Variants in CYB5RL observed in about 807,000 individuals in gnomAD.
CYB5RL encodes cytochrome b5 reductase like, also known as NADH-cytochrome b5 reductase-like.
A neutral mutation model predicts 37.5 loss-of-function variants in CYB5RL; 38 were observed. The observed-to-expected ratio is 1.01, with a 90% CI of 0.78 to 1.33. CYB5RL has a LOEUF of 1.33. Among genes scored for constraint, CYB5RL ranks in the 40% most tolerant of loss-of-function variants. The probability of loss-of-function intolerance (pLI) is 0.00; values close to 1 mark genes in which losing one functional copy is unlikely to be tolerated. For synonymous variants in CYB5RL, 141 were observed against 151.9 expected (o/e 0.93, Z 0.53); for missense variants, 388 against 394.4 (o/e 0.98, Z 0.14).
rs1284869792 is a variant in CYB5RL, at chr1:54,171,579, T to C, written c.*3040A>G. The C allele has an allele frequency of 2.6e-6, 1 of 378,908 alleles. No individual in the cohort carries two copies. Among genetic ancestry groups the C allele is most frequent in the Admixed American group, 3.1e-5 (1 of 32,160 alleles). 23.5% of individuals were successfully genotyped at this position (378,908 alleles called of 1,614,324 possible). On this transcript the variant is annotated 3_prime_UTR_variant, in exon 8 of 8. Coordinates refer to ENST00000534324, the MANE Select transcript of CYB5RL (RefSeq NM_001031672.4). ...CTCAGGCCCTCTAGTAGCTGTTGCC[T>C]TCCTGAAGCTTGGGATGCATATGCA...
chr1:54,193,062 C>T (rs553660135), intron 3 of CYB5RL, among the ~76,000 whole-genome samples: 2 of 152,244 alleles, frequency 1.3e-5, no homozygotes, highest in East Asian at 3.9e-4. Flanking sequence ...GCCAAGTAAC[C>T]CTGTGATTCT....
At chr1:54,197,944 C>T (rs1458894582) in intron 1 of CYB5RL, among the ~76,000 whole-genome samples, 4 of 141,638 alleles carry the variant, frequency 2.8e-5, no homozygotes, top group South Asian at 2.2e-4. Flanking sequence ...AGGAGAATGG[C>T]GTGAACCCAG....
intron 1 of CYB5RL, among the ~76,000 whole-genome samples, chr1:54,198,367 C>G (rs923294585): frequency 8.0e-5 from 12 of 149,114 alleles, no homozygotes; most frequent in Non-Finnish European, 1.5e-4. Context: ...GAGTCTCGCT[C>G]TGTTGCCCAG....
intron 7 of CYB5RL, among the ~76,000 whole-genome samples, chr1:54,176,461 G>A (rs539892754): frequency 1.7e-4 from 26 of 152,322 alleles, no homozygotes; most frequent in African/African-American, 6.3e-4. Flanking sequence ...AGCCCAGGGA[G>A]GTTGAGGCTT....
intron 5 of CYB5RL, chr1:54,185,063 C>T (rs560012142): frequency 2.0e-5 from 3 of 152,320 alleles, no homozygotes; most frequent in African/African-American, 7.2e-5. Context: ...AGTGCCTGAA[C>T]CATGGAAGTA....
intron 1 of CYB5RL, among the ~76,000 whole-genome samples, chr1:54,196,819 A>G (rs1372338087): frequency 6.6e-6 from 1 of 152,194 alleles, no homozygotes; most frequent in Non-Finnish European, 1.5e-5. Context: ...TCGTTCTTCA[A>G]TCACAGGAAA....
rs1402693745 is a variant in CYB5RL at position 54,194,214 on chromosome 1, C to G, written c.198+1205G>C. Among the ~76,000 whole-genome samples the G allele has an allele frequency of 2.0e-5, 3 of 150,404 alleles. No homozygotes were observed. In the East Asian group the frequency reaches 5.9e-4, roughly 30 times the overall value. On this transcript the variant is annotated intron_variant, in intron 3 of 7. Coordinates refer to ENST00000534324, the MANE Select transcript of CYB5RL (RefSeq NM_001031672.4). Reference sequence around the variant, plus strand: ...GGTGAAACCCCATCTGTACTAAAAACATAAAATTAGTCAGGTGTGGTGGCA... The same window carrying G: ...GGTGAAACCCCATCTGTACTAAAAAGATAAAATTAGTCAGGTGTGGTGGCA...
intron 5 of CYB5RL, chr1:54,185,721 A>G: frequency 6.6e-6 from 1 of 152,052 alleles, no homozygotes; most frequent in Non-Finnish European, 1.5e-5. Flanking sequence ...ATCTAGGGGG[A>G]GGCATGACCC....
chr1:54,182,837 G>A (rs1451808088), intron 6 of CYB5RL, among the ~76,000 whole-genome samples: 14 of 152,256 alleles, frequency 9.2e-5, no homozygotes, highest in Admixed American at 9.2e-4. Context: ...ACAGGCGTGA[G>A]CCACTGCGCC....
rs187605480 is a variant in CYB5RL at position 54,176,985 on chromosome 1, G to A, written c.745-2163C>T. The stretch of plus-strand genomic sequence containing the variant: ...TGGCAGGCAGAATGGCGTGAGCAAA[G>A]GCCCAGAAGCCAGAAAAGCACAGCA... On this transcript the variant is annotated intron_variant, in intron 7 of 7. Coordinates refer to ENST00000534324, the MANE Select transcript of CYB5RL (RefSeq NM_001031672.4). Among the ~76,000 whole-genome samples, 63 of 152,308 alleles carry A rather than the reference G, an allele frequency of 4.1e-4. No individual in the cohort carries two copies. In the East Asian group the frequency reaches 0.011, roughly 26 times the overall value.
chr1:54,192,933 G>C (rs1643969913), intron 3 of CYB5RL, among the ~76,000 whole-genome samples: 2 of 151,584 alleles, frequency 1.3e-5, no homozygotes, highest in South Asian at 2.1e-4. Context: ...TTTTATATTT[G>C]TAGTAGAGAC....
At chr1:54,194,739 C>T (rs1018523217) in intron 3 of CYB5RL, among the ~76,000 whole-genome samples, 1 of 152,172 alleles carries the variant, frequency 6.6e-6, no homozygotes, top group African/African-American at 2.4e-5. Flanking sequence ...AGGAGGGACA[C>T]AGAAAATGGG....
chr1:54,196,624 G>T (rs1216395215), intron 1 of CYB5RL, 133 bp from the exon 2 acceptor site: 3 of 152,188 alleles, frequency 2.0e-5, no homozygotes, highest in African/African-American at 7.2e-5. Context: ...CATTCCAGAA[G>T]CCACCTGTGT....
chr1:54,189,358 G>A (rs1557723425), intron 4 of CYB5RL, among the ~76,000 whole-genome samples: 1 of 152,260 alleles, frequency 6.6e-6, no homozygotes, highest in East Asian at 1.9e-4. Context: ...AAACCTCCTG[G>A]AGGTGGGTGC....
At chr1:54,179,095 G>A (rs1488715808) in intron 7 of CYB5RL, 54 bp downstream of exon 7, 1 of 1,566,356 alleles carries the variant, frequency 6.4e-7, no homozygotes, top group Non-Finnish European at 8.7e-7. Context: ...CAGGACAGGT[G>A]CAAAGGGACA....
At position 54,184,903 on chromosome 1, in the gene CYB5RL, C is replaced by G. The variant is rs1328244022; in HGVS notation, c.436-638G>C. On this transcript the variant is annotated intron_variant, in intron 5 of 7. Coordinates refer to ENST00000534324, the MANE Select transcript of CYB5RL (RefSeq NM_001031672.4). ...CAGTCTCTGCATTATCCTACACCATCTCCTGGCTGGATGAAAAATGAAGGT... is the reference window on the plus strand; with the variant it reads ...CAGTCTCTGCATTATCCTACACCATGTCCTGGCTGGATGAAAAATGAAGGT... 2.6e-5 allele frequency: 4 copies of G among 152,410 alleles called. No individual in the cohort carries two copies. In the East Asian group the frequency reaches 7.7e-4, roughly 29 times the overall value. The allele number at this position is 152,410 out of a possible 1,614,324, so 9.4% of individuals were successfully genotyped here. A position where few individuals can be genotyped will look rare whatever the true frequency, so the allele number is the denominator to read the frequency against.
chr1:54,174,511 T>A lies in CYB5RL; in HGVS notation c.*108A>T. On this transcript the variant is annotated 3_prime_UTR_variant, in exon 8 of 8. Transcript: ENST00000534324. ...CACTTGCCCAAGGTCACCTGGCAAA[T>A]GAGCAGCAGGACCAGGCCTGGACTC... 1 of 1,339,428 alleles carries A rather than the reference T, an allele frequency of 7.5e-7. No individual in the cohort carries two copies. Among genetic ancestry groups the A allele is most frequent in the South Asian group, 1.3e-5 (1 of 77,034 alleles). 83.0% of individuals were successfully genotyped at this position (1,339,428 alleles called of 1,614,324 possible). A position where few individuals can be genotyped will look rare whatever the true frequency, so the allele number is the denominator to read the frequency against.
chr1:54,196,480 C>A lies in CYB5RL; in HGVS notation c.-211G>T, dbSNP rs143010399. On this transcript the variant is annotated 5_prime_UTR_variant, in exon 2 of 8. Coordinates refer to ENST00000534324, the MANE Select transcript of CYB5RL (RefSeq NM_001031672.4). ...GTGCTGAGATTACAGGCATGAGCCA[C>A]CATGTCTGGCCCTAAAATGTTTTAA... The A allele has an allele frequency of 6.6e-6, 1 of 152,150 alleles. No individual in the cohort carries two copies. Among genetic ancestry groups the A allele is most frequent in the Non-Finnish European group, 1.5e-5 (1 of 68,036 alleles). 9.4% of individuals were successfully genotyped at this position (152,150 alleles called of 1,614,324 possible).
intron 7 of CYB5RL, 23 bp downstream of exon 7, chr1:54,179,126 G>A: frequency 6.2e-7 from 1 of 1,604,424 alleles, no homozygotes. Flanking sequence ...AATCAAAAAA[G>A]AAAGTCACCA....
Sources: gnomAD v4.1 joint callset for allele counts (sites outside exome capture counted in the v4.1 genomes callset) on GRCh38, gnomAD v4.1.1 for gene constraint, MANE v1.5 for transcripts, NCBI Gene and HGNC (gene_info 2026-07-23, HGNC 2026-07-21) for gene names.